Variants in EML5 observed in about 807,000 individuals in gnomAD.
EML5 encodes echinoderm microtubule-associated protein-like 5.
Under a neutral mutation model 250.0 loss-of-function variants are expected in EML5, and 120 were observed. The observed-to-expected ratio is 0.48, with a 90% CI of 0.41 to 0.56. EML5 has a LOEUF of 0.56. Among genes scored for constraint, EML5 ranks in the 20% least tolerant of loss-of-function variants. EML5 has a pLI of 0.00. For synonymous variants in EML5, 771 were observed against 806.5 expected (o/e 0.96, Z 0.75); for missense variants, 2,006 against 2,437.6 (o/e 0.82, Z 3.73).
chr14:88,640,982 T>C (rs938203387), intron 31 of EML5, among the ~76,000 whole-genome samples: 2 of 151,528 alleles, frequency 1.3e-5, no homozygotes, highest in South Asian at 2.1e-4. Flanking sequence ...TGTGGGCCTC[T>C]AAAAAAAGAA....
At chr14:88,759,741 C>T (rs1025342046) in intron 1 of EML5, among the ~76,000 whole-genome samples, 21 of 139,800 alleles carry the variant, frequency 1.5e-4, no homozygotes, top group Non-Finnish European at 2.0e-4. Flanking sequence ...CATAGTTTAA[C>T]TACAAAATCT....
At chr14:88,743,754 G>T (rs1237965405) in intron 4 of EML5, among the ~76,000 whole-genome samples, 1 of 151,966 alleles carries the variant, frequency 6.6e-6, no homozygotes, top group African/African-American at 2.4e-5. Context: ...GAAACAGGAT[G>T]GACACAGTAA....
In EML5 at chr14:88,777,989, A is replaced by T. The variant is rs543593279; in HGVS notation, c.197+14318T>A. Among the ~76,000 whole-genome samples the T allele has an allele frequency of 1.3e-4, 20 of 152,268 alleles. No individual in the cohort carries two copies. The South Asian group carries it at 4.1e-3, about 32-fold the overall frequency. On this transcript the variant is annotated intron_variant, in intron 1 of 43. Transcript: ENST00000554922. ...CATCCTGTCTCAAAAAATACAGCAAATTTTTAAAAATGAGGGGACCAAGTT... is the reference window on the plus strand; with the variant it reads ...CATCCTGTCTCAAAAAATACAGCAATTTTTTAAAAATGAGGGGACCAAGTT...
chr14:88,690,812 G>C (rs1005371521), intron 17 of EML5, among the ~76,000 whole-genome samples: 1 of 152,166 alleles, frequency 6.6e-6, no homozygotes, highest in Non-Finnish European at 1.5e-5. Flanking sequence ...GTAGATGAGA[G>C]AAAGAATCTA....
intron 40 of EML5, 130 bp downstream of exon 40, chr14:88,618,520 G>C (rs2088163320): frequency 8.4e-7 from 1 of 1,191,612 alleles, no homozygotes; most frequent in Admixed American, 2.6e-5. Context: ...GGGAGCTGTA[G>C]GTCAGAAGGT....
intron 24 of EML5, among the ~76,000 whole-genome samples, chr14:88,662,102 C>T (rs1290710405): frequency 6.6e-5 from 10 of 151,640 alleles, no homozygotes; most frequent in East Asian, 3.9e-4. Context: ...ATAATAAAAC[C>T]GTTTCTGACT....
intron 14 of EML5, among the ~76,000 whole-genome samples, chr14:88,699,062 GAGTACTATTAA>G (rs1566656056): frequency 6.6e-6 from 1 of 152,122 alleles, no homozygotes; most frequent in East Asian, 1.9e-4. Flanking sequence ...GTATAATATT[GAGTACTATTAA>G]AGTACACTTA....
chr14:88,776,361 T>C (rs898860328), intron 1 of EML5, among the ~76,000 whole-genome samples: 1 of 151,830 alleles, frequency 6.6e-6, no homozygotes, highest in Non-Finnish European at 1.5e-5. Flanking sequence ...CTCAAAGAAA[T>C]TGAAGATAAC....
intron 2 of EML5, among the ~76,000 whole-genome samples, chr14:88,749,881 T>C (rs1234508154): frequency 1.3e-5 from 2 of 152,054 alleles, no homozygotes; most frequent in Non-Finnish European, 2.9e-5. Flanking sequence ...ACAAGAAAAA[T>C]GTGAGGAAAA....
rs555769377 is a variant in EML5 at position 88,675,506 on chromosome 14, G to A, written c.3124+6384C>T. Among the ~76,000 whole-genome samples, 17 of 152,364 alleles carry A rather than the reference G, an allele frequency of 1.1e-4. No individual in the cohort carries two copies. The South Asian group carries it at 3.3e-3, about 30-fold the overall frequency. On this transcript the variant is annotated intron_variant, in intron 21 of 43. Transcript: ENST00000554922. ...GTACCAAGTCCCTAGGCTGCACAGA[G>A]TAGAGGGGCCCGTGGCCTGGCCCAC...
At chr14:88,731,682 C>T (rs1477569165) in intron 7 of EML5, among the ~76,000 whole-genome samples, 3 of 152,336 alleles carry the variant, frequency 2.0e-5, no homozygotes, top group East Asian at 3.9e-4. Flanking sequence ...TACAGTTCCA[C>T]CAACAGTGTA....
At chr14:88,650,025 A>C in intron 27 of EML5, 99 bp from the exon 28 acceptor site, 1 of 782,712 alleles carries the variant, frequency 1.3e-6, no homozygotes, top group Admixed American at 3.7e-5. Flanking sequence ...GCAACATGTC[A>C]ACAGAATTTT....
intron 14 of EML5, among the ~76,000 whole-genome samples, chr14:88,697,654 TATA>T (rs1228469942): frequency 6.6e-6 from 1 of 152,224 alleles, no homozygotes; most frequent in Admixed American, 6.5e-5. Flanking sequence ...CATAAAGAGA[TATA>T]ATATCTTTGT....
intron 21 of EML5, among the ~76,000 whole-genome samples, chr14:88,678,544 G>A (rs2092647969): frequency 1.3e-5 from 2 of 151,986 alleles, no homozygotes; most frequent in South Asian, 4.2e-4. Context: ...TTCATGAAGG[G>A]ACATACATTA....
At chr14:88,660,165 C>T (rs537047682) in intron 25 of EML5, among the ~76,000 whole-genome samples, 4 of 151,606 alleles carry the variant, frequency 2.6e-5, no homozygotes, top group Admixed American at 2.6e-4. Flanking sequence ...TGCCTGTGGT[C>T]CCAGTTACTC....
intron 4 of EML5, among the ~76,000 whole-genome samples, chr14:88,743,478 C>G (rs889150339): frequency 6.6e-6 from 1 of 152,026 alleles, no homozygotes; most frequent in Non-Finnish European, 1.5e-5. Context: ...GAAAGCAGAC[C>G]ATGTGTTAGG....
intron 3 of EML5, among the ~76,000 whole-genome samples, chr14:88,744,612 T>C (rs2093978265): frequency 6.6e-6 from 1 of 152,048 alleles, no homozygotes; most frequent in Non-Finnish European, 1.5e-5. Flanking sequence ...GGCTTCATTA[T>C]TTTCTAAAAT....
At chr14:88,747,939 T>C (rs1566744812) in intron 2 of EML5, among the ~76,000 whole-genome samples, 1 of 143,250 alleles carries the variant, frequency 7.0e-6, no homozygotes, top group Non-Finnish European at 1.5e-5. Flanking sequence ...ATGAAACAAA[T>C]GTTTTCAGAC....
chr14:88,735,174 G>A (rs1381409742), intron 7 of EML5, among the ~76,000 whole-genome samples: 1 of 152,092 alleles, frequency 6.6e-6, no homozygotes, highest in East Asian at 1.9e-4. Flanking sequence ...CACTTGGAAG[G>A]CTTCTGAAAT....
Sources: allele counts gnomAD v4.1 joint callset (sites outside exome capture counted in the v4.1 genomes callset), GRCh38; gene constraint gnomAD v4.1.1; transcripts MANE v1.5; gene names NCBI Gene and HGNC (gene_info 2026-07-23, HGNC 2026-07-21).